The following RBFOX1 variants were observed in gnomAD, a reference collection of about 807,000 sequenced individuals.
RBFOX1 encodes the protein RNA binding fox-1 homolog 1, also known as RNA binding protein fox-1 homolog 1.
RBFOX1 carries 8 observed loss-of-function variants against 57.7 expected under a neutral mutation model. That is an observed-to-expected ratio of 0.14 (90% CI 0.08 to 0.25). The LOEUF is 0.25. Among genes scored for constraint, RBFOX1 ranks in the 10% least tolerant of loss-of-function variants. RBFOX1 has a pLI of 1.00. For missense variants in RBFOX1, 611 were observed against 548.5 expected, an observed-to-expected ratio of 1.11 and a Z score of -1.14; for synonymous variants, 326 against 222.4, an observed-to-expected ratio of 1.47 and a Z score of -4.15.
At position 5,804,870 on chromosome 16, in the gene RBFOX1, G is replaced by A. The variant is rs200342523; in HGVS notation, c.319-62433G>A. ...GAGGCCCTCCTTGTTGTGCAGGGCA[G>A]CTCTGATGGATATGTGGGGAATTGA... On this transcript the variant is annotated intron_variant, in intron 3 of 19. Transcript: ENST00000641259. Among the ~76,000 whole-genome samples, 23 of 152,298 alleles carry A rather than the reference G, an allele frequency of 1.5e-4. No individual in the cohort carries two copies. In the East Asian group the frequency reaches 4.3e-3, roughly 28 times the overall value.
At chr16:6,033,607 C>G (rs1222703523) in intron 1 of RBFOX1, among the ~76,000 whole-genome samples, 6 of 152,314 alleles carry the variant, frequency 3.9e-5, no homozygotes, top group Admixed American at 1.3e-4. Context: ...TGTGTGTGCA[C>G]ACGCACGTGT....
chr16:5,961,608 C>T (rs2059750803), intron 4 of RBFOX1, among the ~76,000 whole-genome samples: 1 of 152,178 alleles, frequency 6.6e-6, no homozygotes, highest in Admixed American at 6.5e-5. Context: ...CAGCCTCAAC[C>T]TCCCCAGTTC....
At chr16:7,696,825 C>A (rs915096474) in intron 14 of RBFOX1, among the ~76,000 whole-genome samples, 3 of 152,098 alleles carry the variant, frequency 2.0e-5, no homozygotes, top group African/African-American at 7.2e-5. Flanking sequence ...GAGGGGGTAA[C>A]ATTTGAGCAG....
In RBFOX1 at chr16:7,151,099, A is replaced by G. The variant is rs1003272326; in HGVS notation, c.27+99001A>G. ...TGTTAAGTGTATTCTACTTTCAGGA[A>G]CTGTTTTATTAAGCTCCAACCAGCA... is the stretch of plus-strand genomic sequence containing the variant. On this transcript the variant is annotated intron_variant, in intron 4 of 15. Transcript: ENST00000550418. 3.2e-4 allele frequency among the ~76,000 whole-genome samples: 48 copies of G among 152,264 alleles called. 1 individual carries two copies. Among genetic ancestry groups the G allele is most frequent in the African/African-American group, 1.2e-3 (48 of 41,550 alleles).
At chr16:5,670,237 T>C (rs947378271) in intron 3 of RBFOX1, among the ~76,000 whole-genome samples, 1 of 152,126 alleles carries the variant, frequency 6.6e-6, no homozygotes. Flanking sequence ...GTAATGAAAA[T>C]GTTCTGGACT....
At chr16:7,690,910 G>C (rs1197794341) in intron 14 of RBFOX1, among the ~76,000 whole-genome samples, 1 of 152,034 alleles carries the variant, frequency 6.6e-6, no homozygotes, top group East Asian at 1.9e-4. Context: ...TTCTTCTGTT[G>C]TCCTGACACT....
intron 3 of RBFOX1, among the ~76,000 whole-genome samples, chr16:6,969,936 C>T (rs535125976): frequency 3.3e-5 from 5 of 152,096 alleles, no homozygotes; most frequent in East Asian, 1.9e-4. Flanking sequence ...TTCCCACATA[C>T]AGAAATGTCA....
At chr16:7,210,055 T>G (rs2152777554) in intron 4 of RBFOX1, among the ~76,000 whole-genome samples, 1 of 152,298 alleles carries the variant, frequency 6.6e-6, no homozygotes, top group South Asian at 2.1e-4. Context: ...AGTGCAGATT[T>G]CCCAAAGGAA....
At chr16:7,559,415 T>C (rs1448160254) in intron 5 of RBFOX1, among the ~76,000 whole-genome samples, 1 of 152,220 alleles carries the variant, frequency 6.6e-6, no homozygotes, top group Non-Finnish European at 1.5e-5. Context: ...GAAGTCTTGC[T>C]TGACTCCAGT....
chr16:5,821,746 A>G (rs748548519), intron 3 of RBFOX1, among the ~76,000 whole-genome samples: 3 of 152,206 alleles, frequency 2.0e-5, no homozygotes, highest in Non-Finnish European at 2.9e-5. Context: ...GGGAAGTCCA[A>G]GGTCAAGGCA....
intron 1 of RBFOX1, among the ~76,000 whole-genome samples, chr16:6,117,106 T>A (rs2096504640): frequency 6.6e-6 from 1 of 152,124 alleles, no homozygotes; most frequent in Admixed American, 6.5e-5. Flanking sequence ...TTGGAGTAGT[T>A]GTAGATAAAT....
At chr16:5,778,445 C>G (rs1229609994) in intron 3 of RBFOX1, among the ~76,000 whole-genome samples, 2 of 152,160 alleles carry the variant, frequency 1.3e-5, no homozygotes, top group African/African-American at 4.8e-5. Context: ...CCCTGCCAGC[C>G]CATGAAATTA....
chr16:6,619,836 T>C (rs2098200846), intron 2 of RBFOX1, among the ~76,000 whole-genome samples: 1 of 152,146 alleles, frequency 6.6e-6, no homozygotes, highest in African/African-American at 2.4e-5. Flanking sequence ...ATTAGTTATT[T>C]TTCCTGATTG....
chr16:5,277,246 A>T (rs1459182022), intron 1 of RBFOX1, among the ~76,000 whole-genome samples: 2 of 152,042 alleles, frequency 1.3e-5, no homozygotes, highest in Non-Finnish European at 2.9e-5. Flanking sequence ...CATAAGTGGG[A>T]GCTAAGCTAT....
At chr16:5,754,186 C>G (rs1375700009) in intron 3 of RBFOX1, among the ~76,000 whole-genome samples, 1 of 152,172 alleles carries the variant, frequency 6.6e-6, no homozygotes, top group Non-Finnish European at 1.5e-5. Flanking sequence ...TTTTGAATCC[C>G]ACCTCTGCCA....
intron 1 of RBFOX1, among the ~76,000 whole-genome samples, chr16:5,368,392 C>A (rs549713070): frequency 2.2e-4 from 33 of 152,272 alleles, no homozygotes; most frequent in African/African-American, 7.7e-4. Flanking sequence ...GGCACCTAAC[C>A]AATGTGGGTT....
chr16:5,454,941 TC>T (rs2068567658), intron 1 of RBFOX1, among the ~76,000 whole-genome samples: 2 of 51,136 alleles, frequency 3.9e-5, no homozygotes, highest in African/African-American at 1.4e-4. Context: ...CTTCCTTCCT[TC>T]CTTCCTTCCT....
At chr16:7,392,170 C>G (rs951823962) in intron 4 of RBFOX1, among the ~76,000 whole-genome samples, 1 of 152,204 alleles carries the variant, frequency 6.6e-6, no homozygotes, top group Non-Finnish European at 1.5e-5. Flanking sequence ...TCTGCCTCTT[C>G]AAACATTGCA....
intron 3 of RBFOX1, among the ~76,000 whole-genome samples, chr16:5,668,802 C>A (rs1314972579): frequency 6.6e-6 from 1 of 152,136 alleles, no homozygotes; most frequent in Non-Finnish European, 1.5e-5. Flanking sequence ...CTCGGAAATG[C>A]TCGTAGCTGG....
Sources: gnomAD v4.1 joint callset for allele counts (sites outside exome capture counted in the v4.1 genomes callset) on GRCh38, gnomAD v4.1.1 for gene constraint, MANE v1.5 for transcripts, NCBI Gene and HGNC (gene_info 2026-07-23, HGNC 2026-07-21) for gene names.